The following PITPNC1 variants were observed in gnomAD, a reference collection of about 807,000 sequenced individuals.
PITPNC1 encodes the protein cytoplasmic phosphatidylinositol transfer protein 1.
PITPNC1 carries 18 observed loss-of-function variants against 44.7 expected under a neutral mutation model. That is an observed-to-expected ratio of 0.40 (90% CI 0.28 to 0.60). PITPNC1 has a LOEUF of 0.60. Ranked by LOEUF, PITPNC1 falls within the 20% of genes least tolerant of loss-of-function variation. The probability of loss-of-function intolerance (pLI) is 0.39; values close to 1 mark genes in which losing one functional copy is unlikely to be tolerated. For missense variants in PITPNC1, 290 were observed against 418.4 expected (o/e 0.69, Z 2.68); for synonymous variants, 141 against 149.6 (o/e 0.94, Z 0.42).
chr17:67,626,223 C>T (rs78876675), intron 5 of PITPNC1, among the ~76,000 whole-genome samples: 245 of 151,798 alleles, frequency 1.6e-3, no homozygotes, highest in African/African-American at 5.5e-3. Context: ...TGGGCTTAAG[C>T]CATCCTTGCA....
At chr17:67,548,024 G>A (rs1328215755) in intron 2 of PITPNC1, among the ~76,000 whole-genome samples, 2 of 152,172 alleles carry the variant, frequency 1.3e-5, no homozygotes, top group Non-Finnish European at 2.9e-5. Flanking sequence ...TCTCTGCTCA[G>A]TAGATGCCAG....
intron 8 of PITPNC1, among the ~76,000 whole-genome samples, chr17:67,679,232 G>T (rs1011388094): frequency 1.1e-4 from 17 of 152,200 alleles, no homozygotes; most frequent in Non-Finnish European, 1.5e-5. Context: ...CAGCCTGGGC[G>T]ATAGAGCGAG....
intron 6 of PITPNC1, among the ~76,000 whole-genome samples, chr17:67,645,620 C>A (rs2042140523): frequency 6.6e-6 from 1 of 152,130 alleles, no homozygotes; most frequent in Non-Finnish European, 1.5e-5. Context: ...AGCCTGTAAG[C>A]CTGCCCATTC....
At chr17:67,607,360 G>GC (rs1359458278) in intron 5 of PITPNC1, among the ~76,000 whole-genome samples, 1 of 152,194 alleles carries the variant, frequency 6.6e-6, no homozygotes. Flanking sequence ...CTTCGGGACT[G>GC]CCCCCCTTGG....
intron 4 of PITPNC1, among the ~76,000 whole-genome samples, chr17:67,567,147 C>T (rs1461097791): frequency 6.6e-6 from 1 of 152,166 alleles, no homozygotes; most frequent in East Asian, 1.9e-4. Context: ...TTGGCCAGGT[C>T]TCCTTTGGAT....
At chr17:67,556,848 C>A (rs2040843857) in intron 4 of PITPNC1, among the ~76,000 whole-genome samples, 1 of 152,196 alleles carries the variant, frequency 6.6e-6, no homozygotes, top group African/African-American at 2.4e-5. Flanking sequence ...CAGATGAATA[C>A]ATAACTGTCA....
chr17:67,473,067 G>C (rs1434566008), intron 1 of PITPNC1, among the ~76,000 whole-genome samples: 7 of 151,872 alleles, frequency 4.6e-5, no homozygotes, highest in Non-Finnish European at 1.0e-4. Context: ...TAGTAGAGAA[G>C]GGGTTTCACC....
chr17:67,490,785 A>G (rs965062636), intron 1 of PITPNC1, among the ~76,000 whole-genome samples: 9 of 152,218 alleles, frequency 5.9e-5, no homozygotes, highest in Admixed American at 5.2e-4. Flanking sequence ...TCTGGGTCCA[A>G]TGGAGCTGAA....
intron 8 of PITPNC1, among the ~76,000 whole-genome samples, chr17:67,680,525 G>A (rs747068996): frequency 1.2e-4 from 18 of 151,814 alleles, no homozygotes; most frequent in African/African-American, 3.4e-4. Context: ...GCTTGAACCC[G>A]GGAGGCAGAG....
intron 1 of PITPNC1, among the ~76,000 whole-genome samples, chr17:67,497,133 A>T (rs1353064369): frequency 6.6e-6 from 1 of 152,140 alleles, no homozygotes; most frequent in Non-Finnish European, 1.5e-5. Context: ...TAAGAGCCTG[A>T]CGTTAAAAAT....
At chr17:67,436,835 G>C (rs1287041527) in intron 1 of PITPNC1, among the ~76,000 whole-genome samples, 2 of 150,748 alleles carry the variant, frequency 1.3e-5, no homozygotes, top group Non-Finnish European at 2.9e-5. Context: ...TTCTGTAGCA[G>C]GTTGAATAGT....
chr17:67,500,376 C>A (rs1215111968), intron 1 of PITPNC1, among the ~76,000 whole-genome samples: 2 of 152,226 alleles, frequency 1.3e-5, no homozygotes, highest in East Asian at 3.9e-4. Flanking sequence ...AAACATCATA[C>A]CCAAGTGAAA....
intron 6 of PITPNC1, among the ~76,000 whole-genome samples, chr17:67,646,705 G>T (rs1488490963): frequency 6.6e-6 from 1 of 151,972 alleles, no homozygotes; most frequent in East Asian, 1.9e-4. Flanking sequence ...TGTGTGTGTG[G>T]GTGTGTCGTG....
At chr17:67,528,621 C>A (rs1337585895) in intron 1 of PITPNC1, among the ~76,000 whole-genome samples, 1 of 152,160 alleles carries the variant, frequency 6.6e-6, no homozygotes, top group African/African-American at 2.4e-5. Flanking sequence ...AAAAAAGAAA[C>A]AAGCGTCCTA....
chr17:67,504,507 A>G lies in PITPNC1; in HGVS notation c.49-28295A>G, dbSNP rs187292623. Among the ~76,000 whole-genome samples, 45 of 152,366 alleles carry G rather than the reference A, an allele frequency of 3.0e-4. No homozygotes were observed. The East Asian group carries it at 8.1e-3, about 27-fold the overall frequency. ...TTTCAACCTTCTGCTGTGAAAAGGT[A>G]CACAGGAATGGCTAAAGTCTCTCTA... On this transcript the variant is annotated intron_variant, in intron 1 of 8. Coordinates refer to ENST00000581322, the MANE Select transcript of PITPNC1 (RefSeq NM_012417.4).
chr17:67,576,629 A>G (rs954173091), intron 4 of PITPNC1, among the ~76,000 whole-genome samples: 1 of 134,110 alleles, frequency 7.5e-6, no homozygotes, highest in Admixed American at 6.9e-5. Context: ...GGCTAGCTAG[A>G]GCGTGGTTAC....
intron 1 of PITPNC1, among the ~76,000 whole-genome samples, chr17:67,512,870 C>T (rs1360183068): frequency 6.6e-6 from 1 of 151,874 alleles, no homozygotes; most frequent in Non-Finnish European, 1.5e-5. Flanking sequence ...GAGATAAGCT[C>T]GATCACTCAT....
intron 1 of PITPNC1, among the ~76,000 whole-genome samples, chr17:67,470,017 G>A (rs1312217671): frequency 1.3e-5 from 2 of 152,034 alleles, no homozygotes; most frequent in South Asian, 2.1e-4. Context: ...CCGCCTCCTG[G>A]GTTCAAGCGA....
intron 1 of PITPNC1, chr17:67,408,704 TCC>T (rs1177771313): frequency 2.7e-4 from 38 of 142,624 alleles, no homozygotes; most frequent in African/African-American, 6.9e-4. Context: ...CTTCCTTCCT[TCC>T]TTCCTTCCTT....
Sources: gnomAD v4.1 joint callset for allele counts (sites outside exome capture counted in the v4.1 genomes callset) on GRCh38, gnomAD v4.1.1 for gene constraint, MANE v1.5 for transcripts, NCBI Gene and HGNC (gene_info 2026-07-23, HGNC 2026-07-21) for gene names.